Variants in SMARCE1 observed in about 807,000 individuals in gnomAD.
The protein encoded by SMARCE1 is SWI/SNF related BAF chromatin remodeling complex subunit E1, also known as SWI/SNF-related matrix-associated actin-dependent regulator of chromatin subfamily E member 1.
In SMARCE1, 13 loss-of-function variants were observed where a neutral mutation model predicts 54.9. That is an observed-to-expected ratio of 0.24 (90% confidence interval 0.15 to 0.38). The LOEUF (loss-of-function observed/expected upper bound fraction) is 0.38, where lower values mean the gene tolerates loss of function less well. Among genes scored for constraint, SMARCE1 ranks in the 10% least tolerant of loss-of-function variants. The pLI is 1.00. For synonymous variants in SMARCE1, 151 were observed against 175.3 expected, an observed-to-expected ratio of 0.86 and a Z score of 1.10; for missense variants, 295 against 523.8, an observed-to-expected ratio of 0.56 and a Z score of 4.26.
At chr17:40,641,321 T>A (rs894324126) in intron 4 of SMARCE1, 6 of 152,206 alleles carry the variant, frequency 3.9e-5, no homozygotes, top group East Asian at 1.9e-4. Flanking sequence ...GAATTCTTTT[T>A]CAGATACCAT....
intron 4 of SMARCE1, chr17:40,641,702 C>T (rs1382602242): frequency 6.6e-6 from 1 of 151,982 alleles, no homozygotes; most frequent in Admixed American, 6.6e-5. Flanking sequence ...GGTGCTTAAA[C>T]TTTTTTGAAT....
intron 4 of SMARCE1, among the ~76,000 whole-genome samples, chr17:40,639,004 T>C (rs2037170956): frequency 6.6e-6 from 1 of 152,172 alleles, no homozygotes; most frequent in South Asian, 2.1e-4. Context: ...ACTCTACTTC[T>C]TCAAAGCATT....
At chr17:40,634,890 AGT>A (rs975360570) in intron 7 of SMARCE1, 2 of 152,176 alleles carry the variant, frequency 1.3e-5, no homozygotes, top group African/African-American at 4.8e-5. Flanking sequence ...TGAGGATGCT[AGT>A]GTGTCTTTAG....
intron 1 of SMARCE1, 134 bp from the exon 2 acceptor site, chr17:40,645,981 A>G: frequency 2.5e-6 from 1 of 398,102 alleles, no homozygotes; most frequent in Non-Finnish European, 4.5e-6. Flanking sequence ...CTAGTAATTA[A>G]GCCTTTTGTG....
rs2037085573 is a variant in SMARCE1, at chr17:40,630,766, T to C, written c.975A>G (p.Ala325=). The change falls in exon 10 of 11, where the codon GCA becomes GCG. Residue 325 remains alanine (A), a synonymous_variant. Coordinates refer to ENST00000348513, the MANE Select transcript of SMARCE1 (RefSeq NM_003079.5). Reference sequence around the variant, plus strand: ...CTTTCTTCTCCTCGCCTTTGTTAGCTGCTTGTTCTTCCTCAGGAACGATGC... The same window carrying C: ...CTTTCTTCTCCTCGCCTTTGTTAGCCGCTTGTTCTTCCTCAGGAACGATGC... ...QSSIVPEEEQ[A]ANKGEEKKDD... 1.9e-6 allele frequency: 3 copies of C among 1,614,106 alleles called. No individual in the cohort carries two copies. The highest frequency in any genetic ancestry group is 1.7e-5 in the Admixed American group (1 of 60,010).
In SMARCE1 at chr17:40,645,329, G is replaced by GA. The variant is rs35008210; in HGVS notation, c.51+246dup. The GA allele has an allele frequency of 0.013, 5,542 of 414,752 alleles. 258 individuals carry two copies. The highest frequency in any genetic ancestry group is 0.1 in the African/African-American group (4,888 of 48,678). The allele number at this position is 414,752 out of a possible 1,614,324, so 25.7% of individuals were successfully genotyped here. ...CTTTCACTTATTTCCCATTTACAAAGAAAAAACAAAACAAACTGAGCACAG... is the reference window on the plus strand; with the variant it reads ...CTTTCACTTATTTCCCATTTACAAAGAAAAAAACAAAACAAACTGAGCACAG... On this transcript the variant is annotated intron_variant, in intron 3 of 10. Coordinates refer to ENST00000348513, the MANE Select transcript of SMARCE1 (RefSeq NM_003079.5).
chr17:40,632,365 A>C lies in SMARCE1; in HGVS notation c.544T>G (p.Tyr182Asp), dbSNP rs1429023644. 1.2e-6 allele frequency: 2 copies of C among 1,613,148 alleles called. No individual in the cohort carries two copies. Among genetic ancestry groups the C allele is most frequent in the African/African-American group, 1.3e-5 (1 of 74,852 alleles). ...SIQPAEDPDD[Y>D]DDGFSMKHTA... ...TGCTTCATTGAAAAGCCATCATCATAATCTGGAGTGAACAAATTGTTCTGG... is the reference window on the plus strand; with the variant it reads ...TGCTTCATTGAAAAGCCATCATCATCATCTGGAGTGAACAAATTGTTCTGG... The change falls in exon 8 of 11, where the codon TAT becomes GAT. Residue 182 changes from tyrosine (Y) to aspartate (D), a missense_variant and splice_region_variant. This residue lies in a region of SMARCE1 where 101 missense variants were observed against 183.1 expected (regional missense o/e 0.55). Transcript: ENST00000348513.
At chr17:40,644,704 G>A (rs1413920067) in intron 3 of SMARCE1, 3 of 152,076 alleles carry the variant, frequency 2.0e-5, no homozygotes, top group Non-Finnish European at 4.4e-5. Flanking sequence ...GTTTTTTAGC[G>A]GAGAAAACTA....
intron 4 of SMARCE1, among the ~76,000 whole-genome samples, chr17:40,640,404 A>C (rs2037186564): frequency 6.6e-6 from 1 of 152,304 alleles, no homozygotes; most frequent in African/African-American, 2.4e-5. Flanking sequence ...GAACTACCCA[A>C]GTATACTGGA....
intron 10 of SMARCE1, chr17:40,630,199 A>T (rs4890092): frequency 0.68 from 859,420 of 1,255,726 alleles, 295,785 homozygotes; most frequent in African/African-American, 0.85. Context: ...TATTATTATT[A>T]TTTTTTACCT....
At chr17:40,643,478 C>A (rs1425711480) in intron 3 of SMARCE1, 1 of 152,164 alleles carries the variant, frequency 6.6e-6, no homozygotes, top group Admixed American at 6.5e-5. Context: ...CACAAATGGG[C>A]TCTTATATAG....
chr17:40,628,736 C>T lies in SMARCE1; in HGVS notation c.*49G>A. 6.6e-7 allele frequency: 1 copy of T among 1,506,172 alleles called. No homozygotes were observed. Among genetic ancestry groups the T allele is most frequent in the Non-Finnish European group, 9.2e-7 (1 of 1,088,176 alleles). 93.3% of individuals were successfully genotyped at this position (1,506,172 alleles called of 1,614,324 possible). Reference sequence around the variant, plus strand: ...ACGTAACACCATTAAAACCAAAAAACATTTTTTCATTAAAAAAAGTATTTA... The same window carrying T: ...ACGTAACACCATTAAAACCAAAAAATATTTTTTCATTAAAAAAAGTATTTA... On this transcript the variant is annotated 3_prime_UTR_variant, in exon 11 of 11. Transcript: ENST00000348513.
intron 10 of SMARCE1, chr17:40,630,333 AGTT>A (rs755634228): frequency 1.2e-6 from 1 of 858,694 alleles, no homozygotes; most frequent in African/African-American, 1.7e-5. Flanking sequence ...CAGGCCAGGC[AGTT>A]GTTGTTGCAA....
chr17:40,633,054 G>GT (rs1567846119), intron 7 of SMARCE1: 2 of 152,172 alleles, frequency 1.3e-5, no homozygotes, highest in Non-Finnish European at 2.9e-5. Context: ...TTGTTACCCA[G>GT]GCTGGAGTAC....
chr17:40,629,970 T>A, intron 10 of SMARCE1: 1 of 375,546 alleles, frequency 2.7e-6, no homozygotes, highest in South Asian at 1.2e-4. Flanking sequence ...TTCCAGATGG[T>A]TGTCATCTGA....
intron 7 of SMARCE1, 66 bp downstream of exon 7, chr17:40,635,865 T>G: frequency 8.4e-7 from 1 of 1,189,026 alleles, no homozygotes; most frequent in Non-Finnish European, 1.2e-6. Flanking sequence ...AACTTATACT[T>G]AAGAGATTTC....
rs980518928 is a variant in SMARCE1 at position 40,645,312 on chromosome 17, T to C, written c.51+264A>G. ...AGAAAGAAATGGTAAAACTTTCACTTATTTCCCATTTACAAAGAAAAAACA... is the reference window on the plus strand; with the variant it reads ...AGAAAGAAATGGTAAAACTTTCACTCATTTCCCATTTACAAAGAAAAAACA... On this transcript the variant is annotated intron_variant, in intron 3 of 10. Coordinates refer to ENST00000348513, the MANE Select transcript of SMARCE1 (RefSeq NM_003079.5). 3 of 414,090 alleles carry C rather than the reference T, an allele frequency of 7.2e-6. No individual in the cohort carries two copies. In the East Asian group the frequency reaches 1.1e-4, roughly 15 times the overall value. The allele number at this position is 414,090 out of a possible 1,614,324, so 25.7% of individuals were successfully genotyped here. A position where few individuals can be genotyped will look rare whatever the true frequency, so the allele number is the denominator to read the frequency against.
chr17:40,638,936 T>C (rs892569199), intron 4 of SMARCE1, among the ~76,000 whole-genome samples: 3 of 152,174 alleles, frequency 2.0e-5, no homozygotes, highest in African/African-American at 7.2e-5. Context: ...TTGTGTCCTT[T>C]TCCACTATGA....
At position 40,628,899 on chromosome 17, in the gene SMARCE1, G is replaced by A. The variant is rs144057094; in HGVS notation, c.1122C>T (p.Val374=). The change falls in exon 11 of 11, where the codon GTC becomes GTT. Residue 374 remains valine, a synonymous_variant. Coordinates refer to ENST00000348513, the MANE Select transcript of SMARCE1 (RefSeq NM_003079.5). ...PEDKESGQEG[V]DSMAEEGTSD... ...TGGTTCCTTCCTCTGCCATACTGTC[G>A]ACCCCCTCCTGCCCACTCTCCTTGT... The A allele has an allele frequency of 3.4e-4, 545 of 1,613,408 alleles. No individual in the cohort carries two copies. Among genetic ancestry groups the A allele is most frequent in the Non-Finnish European group, 4.5e-4 (525 of 1,179,734 alleles).
Sources: allele counts gnomAD v4.1 joint callset (sites outside exome capture counted in the v4.1 genomes callset), GRCh38; gene constraint gnomAD v4.1.1; regional missense constraint gnomAD v4.1.1; transcripts MANE v1.5; gene names NCBI Gene and HGNC (gene_info 2026-07-23, HGNC 2026-07-21).